FARP1: variants seen among roughly 807,000 people sequenced by gnomAD.
FARP1 encodes FERM, ARH/RhoGEF and pleckstrin domain protein 1.
FARP1 carries 52 observed loss-of-function variants against 128.8 expected under a neutral mutation model. The ratio of observed to expected loss-of-function variants is 0.40; its 90% CI spans 0.32 to 0.51. The LOEUF is 0.51. FARP1 is among the 20% of genes least tolerant of loss of function. The pLI, the probability that FARP1 is intolerant of heterozygous loss-of-function variation, is 0.45. For missense variants in FARP1, 1,333 were observed against 1,367.9 expected, an observed-to-expected ratio of 0.97 and a Z score of 0.40; for synonymous variants, 580 against 551.8, an observed-to-expected ratio of 1.05 and a Z score of -0.72.
intron 1 of FARP1, among the ~76,000 whole-genome samples, chr13:98,178,513 CT>C (rs767322147): frequency 1.7e-4 from 26 of 152,088 alleles, no homozygotes; most frequent in South Asian, 8.3e-4. Flanking sequence ...ATTTTTAACC[CT>C]TTTTTTTCTT....
chr13:98,448,285 G>C lies in FARP1; in HGVS notation c.3106G>C (p.Val1036Leu), dbSNP rs781221529. ...SATSSASRPH[V>L]LSHKESLVY ...CACCAGCTCTGCCTCGCGACCCCAC[G>C]TGTTGAGTCACAAAGAGTCTCTTGT... Residue 1036 changes from valine to leucine, a missense_variant, in exon 27 of 27, where the codon GTG becomes CTG. Physicochemically the swap from Val to Leu is conservative, Grantham distance 32. Coordinates refer to ENST00000319562, the MANE Select transcript of FARP1 (RefSeq NM_005766.4). 1 of 1,614,196 alleles carries C rather than the reference G, an allele frequency of 6.2e-7. No homozygotes were observed. The highest frequency in any genetic ancestry group is 8.5e-7 in the Non-Finnish European group (1 of 1,179,996).
At chr13:98,287,587 TACTTG>T (rs1566836020) in intron 2 of FARP1, among the ~76,000 whole-genome samples, 3 of 152,136 alleles carry the variant, frequency 2.0e-5, no homozygotes, top group Admixed American at 2.0e-4. Flanking sequence ...AACCAGATTC[TACTTG>T]ACTGATTCTA....
At chr13:98,407,572 C>T (rs1891031115) in intron 13 of FARP1, 1 of 152,080 alleles carries the variant, frequency 6.6e-6, no homozygotes, top group Non-Finnish European at 1.5e-5. Context: ...CACAAGGCTT[C>T]ATGTTAGTGA....
chr13:98,408,531 G>C (rs1891064740), intron 13 of FARP1, among the ~76,000 whole-genome samples: 2 of 151,944 alleles, frequency 1.3e-5, no homozygotes, highest in African/African-American at 4.8e-5. Context: ...GTTTCATCAT[G>C]TTGGCTAGAC....
intron 17 of FARP1, chr13:98,425,553 C>G (rs1364368993): frequency 6.6e-6 from 1 of 152,186 alleles, no homozygotes; most frequent in Admixed American, 6.5e-5. Context: ...CACCACCACA[C>G]CCAGCTAATT....
At chr13:98,177,014 C>T (rs1457134473) in intron 1 of FARP1, 1 of 1,596,908 alleles carries the variant, frequency 6.3e-7, no homozygotes, top group Admixed American at 1.7e-5. Flanking sequence ...CCGTGAGCCG[C>T]CTTCTGCCAG....
At position 98,377,764 on chromosome 13, in the gene FARP1, G is replaced by T. The variant is rs577747082; in HGVS notation, c.399-57G>T. 36 of 1,328,892 alleles carry T rather than the reference G, an allele frequency of 2.7e-5. No individual in the cohort carries two copies. The Admixed American group carries it at 5.9e-4, about 22-fold the overall frequency. The allele number at this position is 1,328,892 out of a possible 1,614,324, so 82.3% of individuals were successfully genotyped here. ...CCTTGGCCTCTCATGGTGAGGCCAGGTTCCCGGTGACCTCCTGCCCTCTTT... is the reference window on the plus strand; with the variant it reads ...CCTTGGCCTCTCATGGTGAGGCCAGTTTCCCGGTGACCTCCTGCCCTCTTT... On this transcript the variant is annotated intron_variant, in intron 5 of 26. Coordinates refer to ENST00000319562, the MANE Select transcript of FARP1 (RefSeq NM_005766.4).
chr13:98,371,463 T>A (rs1023306448), intron 5 of FARP1, among the ~76,000 whole-genome samples: 2 of 152,280 alleles, frequency 1.3e-5, no homozygotes, highest in Admixed American at 1.3e-4. Context: ...TGTTTTTGTT[T>A]TCTGGCACCC....
intron 2 of FARP1, among the ~76,000 whole-genome samples, chr13:98,218,288 T>A (rs1343665596): frequency 2.0e-5 from 3 of 152,326 alleles, no homozygotes; most frequent in East Asian, 3.9e-4. Flanking sequence ...CTCCTGACAG[T>A]GCTGATAGCT....
intron 2 of FARP1, among the ~76,000 whole-genome samples, chr13:98,251,635 ATCACGCCATTGCAC>A (rs1167864191): frequency 6.6e-6 from 1 of 151,378 alleles, no homozygotes; most frequent in Non-Finnish European, 1.5e-5. Flanking sequence ...GTAAGCTGAG[ATCACGCCATTGCAC>A]TCCAGCCTGA....
At chr13:98,364,336 T>A (rs1888995430) in intron 3 of FARP1, among the ~76,000 whole-genome samples, 1 of 152,182 alleles carries the variant, frequency 6.6e-6, no homozygotes, top group African/African-American at 2.4e-5. Flanking sequence ...TTATAAAATA[T>A]AAACATGCAA....
chr13:98,445,465 GGC>G (rs1892768133), intron 24 of FARP1: 1 of 152,234 alleles, frequency 6.6e-6, no homozygotes, highest in Admixed American at 6.5e-5. Context: ...GGGCTGGGCC[GGC>G]CCTGAGCCTG....
At chr13:98,413,007 TG>T (rs1446311147) in intron 16 of FARP1, among the ~76,000 whole-genome samples, 1 of 152,242 alleles carries the variant, frequency 6.6e-6, no homozygotes, top group Non-Finnish European at 1.5e-5. Context: ...TATGTGAGGT[TG>T]TCCTGCCTCT....
intron 6 of FARP1, among the ~76,000 whole-genome samples, chr13:98,382,746 C>G (rs368919531): frequency 6.6e-6 from 1 of 151,420 alleles, no homozygotes; most frequent in East Asian, 1.9e-4. Context: ...TTTTTTTTCT[C>G]GTACTGTTAA....
chr13:98,422,238 TGG>T (rs1891618861), intron 16 of FARP1, among the ~76,000 whole-genome samples: 1 of 152,146 alleles, frequency 6.6e-6, no homozygotes, highest in Non-Finnish European at 1.5e-5. Context: ...GGCCACGCAG[TGG>T]GGCCGACCAG....
intron 1 of FARP1, among the ~76,000 whole-genome samples, chr13:98,153,531 T>G (rs868714277): frequency 1.1e-5 from 1 of 91,302 alleles, no homozygotes; most frequent in African/African-American, 3.3e-5. Context: ...ATATATATAT[T>G]ATATATAAAT....
chr13:98,338,816 C>T (rs1241405856), intron 2 of FARP1: 3 of 152,188 alleles, frequency 2.0e-5, no homozygotes, highest in Non-Finnish European at 4.4e-5. Context: ...CAAAAACTCA[C>T]TGGGAATAAG....
chr13:98,415,781 T>G (rs1299782398), intron 16 of FARP1, among the ~76,000 whole-genome samples: 3 of 152,294 alleles, frequency 2.0e-5, no homozygotes, highest in African/African-American at 7.2e-5. Flanking sequence ...TGCATGTATG[T>G]GTACCCATGC....
At chr13:98,366,221 T>A (rs1889076899) in intron 4 of FARP1, among the ~76,000 whole-genome samples, 1 of 152,182 alleles carries the variant, frequency 6.6e-6, no homozygotes, top group Non-Finnish European at 1.5e-5. Context: ...TTTGTATGTC[T>A]GATTAAGAAA....
Sources: allele counts gnomAD v4.1 joint callset (sites outside exome capture counted in the v4.1 genomes callset), GRCh38; gene constraint gnomAD v4.1.1; transcripts MANE v1.5; gene names NCBI Gene and HGNC (gene_info 2026-07-23, HGNC 2026-07-21).